The following CNTNAP2 variants were observed in gnomAD, a reference collection of about 807,000 sequenced individuals.
CNTNAP2 encodes contactin-associated protein-like 2.
CNTNAP2 carries 98 observed loss-of-function variants against 155.2 expected under a neutral mutation model. The ratio of observed to expected loss-of-function variants is 0.63; its 90% confidence interval spans 0.54 to 0.75. The LOEUF is 0.75. Ranked by LOEUF, CNTNAP2 falls within the 30% of genes least tolerant of loss-of-function variation. CNTNAP2 has a pLI of 0.00. For missense variants in CNTNAP2, 1,727 were observed against 1,688.1 expected, an observed-to-expected ratio of 1.02 and a Z score of -0.40; for synonymous variants, 651 against 631.2, an observed-to-expected ratio of 1.03 and a Z score of -0.47.
chr7:146,866,743 A>T (rs1341862853), intron 3 of CNTNAP2, among the ~76,000 whole-genome samples: 1 of 152,126 alleles, frequency 6.6e-6, no homozygotes, highest in Non-Finnish European at 1.5e-5. Context: ...TATTCAGGGA[A>T]CATTATTTGT....
intron 3 of CNTNAP2, among the ~76,000 whole-genome samples, chr7:146,981,213 A>G (rs1336819312): frequency 2.0e-5 from 3 of 152,184 alleles, no homozygotes; most frequent in African/African-American, 7.2e-5. Flanking sequence ...ATAGGACTAC[A>G]TGGTAATTTG....
At chr7:146,539,516 A>G (rs1797919445) in intron 1 of CNTNAP2, among the ~76,000 whole-genome samples, 1 of 151,824 alleles carries the variant, frequency 6.6e-6, no homozygotes, top group South Asian at 2.1e-4. Flanking sequence ...ACCCAGAGAC[A>G]TAAAGCTACG....
intron 21 of CNTNAP2, among the ~76,000 whole-genome samples, chr7:148,276,634 T>C (rs1325269350): frequency 2.6e-5 from 4 of 152,222 alleles, no homozygotes; most frequent in Non-Finnish European, 5.9e-5. Flanking sequence ...GCATCTGCCA[T>C]ATTACGGATC....
rs759522994 is a variant in CNTNAP2 at position 147,021,234 on chromosome 7, G to A, written c.403-22673G>A. ...TTTTAGCTCATCAGCTATCATTAGT[G>A]TGTGTATTTTATGTATGGCCCAAGA... On this transcript the variant is annotated intron_variant, in intron 3 of 23. Transcript: ENST00000361727. Among the ~76,000 whole-genome samples the A allele has an allele frequency of 3.4e-5, 5 of 148,128 alleles. No individual in the cohort carries two copies. The East Asian group carries it at 6.0e-4, about 18-fold the overall frequency.
intron 15 of CNTNAP2, among the ~76,000 whole-genome samples, chr7:148,047,311 C>G (rs946709040): frequency 5.3e-5 from 8 of 151,544 alleles, no homozygotes; most frequent in African/African-American, 2.0e-4. Flanking sequence ...CCTATCAATA[C>G]ATAACGTTAT....
intron 15 of CNTNAP2, among the ~76,000 whole-genome samples, chr7:147,997,239 G>A (rs1230829557): frequency 6.6e-6 from 1 of 152,148 alleles, no homozygotes; most frequent in African/African-American, 2.4e-5. Flanking sequence ...CGATGCCTCC[G>A]TTCTTGTCTT....
intron 1 of CNTNAP2, among the ~76,000 whole-genome samples, chr7:146,166,786 T>A (rs1431975693): frequency 6.6e-6 from 1 of 152,132 alleles, no homozygotes; most frequent in Non-Finnish European, 1.5e-5. Flanking sequence ...GTGGAGCAAA[T>A]CTTTCTGTAG....
intron 11 of CNTNAP2, among the ~76,000 whole-genome samples, chr7:147,561,079 G>A (rs1562997552): frequency 6.6e-6 from 1 of 151,882 alleles, no homozygotes. Flanking sequence ...CCAGAGAGGT[G>A]GCAATGACCT....
chr7:146,631,533 A>G (rs1799511221), intron 1 of CNTNAP2, among the ~76,000 whole-genome samples: 1 of 152,172 alleles, frequency 6.6e-6, no homozygotes, highest in Admixed American at 6.5e-5. Context: ...TATTTGATGA[A>G]TACCAGTAAG....
intron 2 of CNTNAP2, among the ~76,000 whole-genome samples, chr7:146,777,566 CTT>C (rs757369260): frequency 7.7e-5 from 11 of 142,786 alleles, no homozygotes; most frequent in Non-Finnish European, 1.1e-4. Flanking sequence ...CAATACAAAA[CTT>C]TTTTTTTTTT....
At chr7:147,441,016 G>C (rs1797627150) in intron 10 of CNTNAP2, among the ~76,000 whole-genome samples, 2 of 151,924 alleles carry the variant, frequency 1.3e-5, no homozygotes, top group African/African-American at 4.8e-5. Flanking sequence ...CTTTAGGCTT[G>C]GAAATTTTTC....
At chr7:146,656,651 C>A (rs374664198) in intron 1 of CNTNAP2, among the ~76,000 whole-genome samples, 1 of 152,088 alleles carries the variant, frequency 6.6e-6, no homozygotes, top group African/African-American at 2.4e-5. Flanking sequence ...TTGTTAAAGG[C>A]GTTAGGTAGG....
At chr7:146,941,600 A>G (rs142688759) in intron 3 of CNTNAP2, among the ~76,000 whole-genome samples, 175 of 152,170 alleles carry the variant, frequency 1.2e-3, no homozygotes, top group African/African-American at 3.3e-3. Context: ...ATTCTTTCAG[A>G]TGTTTTTGTG....
chr7:147,357,164 C>T (rs1344499312), intron 9 of CNTNAP2, among the ~76,000 whole-genome samples: 1 of 152,094 alleles, frequency 6.6e-6, no homozygotes, highest in African/African-American at 2.4e-5. Context: ...TCTGGGTCTA[C>T]CCCTTTGTCC....
At chr7:147,059,685 G>A (rs1031848762) in intron 4 of CNTNAP2, among the ~76,000 whole-genome samples, 1 of 151,954 alleles carries the variant, frequency 6.6e-6, no homozygotes, top group Non-Finnish European at 1.5e-5. Context: ...ATTTATTTAG[G>A]GTGTCTGGCT....
At chr7:146,965,661 T>G (rs2129231650) in intron 3 of CNTNAP2, among the ~76,000 whole-genome samples, 1 of 152,182 alleles carries the variant, frequency 6.6e-6, no homozygotes, top group African/African-American at 2.4e-5. Context: ...AAGTTTTAAA[T>G]TATAGAATAA....
intron 4 of CNTNAP2, among the ~76,000 whole-genome samples, chr7:147,106,718 C>T (rs1241578294): frequency 2.6e-5 from 4 of 152,078 alleles, no homozygotes; most frequent in Non-Finnish European, 5.9e-5. Flanking sequence ...TCATTTTATT[C>T]GAAGTAACTG....
At chr7:146,778,922 A>T (rs1802436009) in intron 2 of CNTNAP2, among the ~76,000 whole-genome samples, 1 of 152,222 alleles carries the variant, frequency 6.6e-6, no homozygotes, top group South Asian at 2.1e-4. Flanking sequence ...CCTGATCTCA[A>T]CGGTTGCTAT....
intron 1 of CNTNAP2, among the ~76,000 whole-genome samples, chr7:146,360,839 G>A (rs1253648340): frequency 6.6e-6 from 1 of 152,100 alleles, no homozygotes; most frequent in Admixed American, 6.6e-5. Flanking sequence ...TATAACAAAC[G>A]TATCCCCTTG....
Sources: allele counts gnomAD v4.1 joint callset (sites outside exome capture counted in the v4.1 genomes callset), GRCh38; gene constraint gnomAD v4.1.1; transcripts MANE v1.5; gene names NCBI Gene and HGNC (gene_info 2026-07-23, HGNC 2026-07-21).